The following MED1 variants were observed in gnomAD, a reference collection of about 807,000 sequenced individuals.
MED1 encodes the protein mediator complex subunit 1, also known as mediator of RNA polymerase II transcription subunit 1.
A neutral mutation model predicts 121.3 loss-of-function variants in MED1; 17 were observed. The observed-to-expected ratio is 0.14, with a 90% CI of 0.10 to 0.21. The LOEUF is 0.21. Among genes scored for constraint, MED1 ranks in the 10% least tolerant of loss-of-function variants. The pLI, the probability that MED1 is intolerant of heterozygous loss-of-function variation, is 1.00. For missense variants in MED1, 1,558 were observed against 1,919.4 expected (o/e 0.81, Z 3.52); for synonymous variants, 661 against 694.4 (o/e 0.95, Z 0.76).
intron 8 of MED1, 173 bp from the exon 9 acceptor site, chr17:39,431,361 T>C: frequency 2.2e-6 from 1 of 460,236 alleles, no homozygotes. Flanking sequence ...CACCGCAACC[T>C]CCGCTTCCCA....
At position 39,423,803 on chromosome 17, in the gene MED1, T is replaced by G; in HGVS notation, c.870A>C (p.Ser290=). The part of the protein sequence containing the change: ...VDNKWTPSFS[S]ITSANSVDLP... ...GATCAACACTGTTGGCACTGGTGAT[T>G]GAGGAGAAGGAAGGGGTCCTTCAAA... The change falls in exon 12 of 17, where the codon TCA becomes TCC. Residue 290 remains serine, a synonymous_variant. Transcript: ENST00000300651. 2 of 1,612,348 alleles carry G rather than the reference T, an allele frequency of 1.2e-6. No individual in the cohort carries two copies. Among genetic ancestry groups the G allele is most frequent in the Admixed American group, 3.4e-5 (2 of 59,560 alleles).
Position 39,409,555 on chromosome 17 carries a change from C to T in MED1, c.2666G>A (p.Ser889Asn), listed in dbSNP as rs758387035. The change falls in exon 17 of 17, where the codon AGT becomes AAT. Residue 889 changes from serine to asparagine, a missense_variant. Ser to Asn is a conservative substitution (Grantham distance 46). Coordinates refer to ENST00000300651, the MANE Select transcript of MED1 (RefSeq NM_004774.4). ...TCCTTTGAAATCATCATTATCCCCACTTTGGCTGCTTTCATCAAAATATTC... is the reference window on the plus strand; with the variant it reads ...TCCTTTGAAATCATCATTATCCCCATTTTGGCTGCTTTCATCAAAATATTC... ...GEEYFDESSQ[S>N]GDNDDFKGFA... 52 of 1,614,048 alleles carry T rather than the reference C, an allele frequency of 3.2e-5. No individual in the cohort carries two copies. The highest frequency in any genetic ancestry group is 4.4e-5 in the Non-Finnish European group (52 of 1,180,044).
chr17:39,437,680 A>AT lies in MED1; in HGVS notation c.428+1484dup, dbSNP rs550558461. On this transcript the variant is annotated intron_variant, in intron 6 of 16. Transcript: ENST00000300651. ...CCGGGCACAGTGGCTCATGCCTATA[A>AT]TCCCAGCACTTTGGGAGGCCAAGGC... Among the ~76,000 whole-genome samples the AT allele has an allele frequency of 2.8e-3, 422 of 152,292 alleles. 2 individuals carry two copies. Among genetic ancestry groups the AT allele is most frequent in the African/African-American group, 9.7e-3 (405 of 41,558 alleles).
chr17:39,450,732 G>A (rs956669365), intron 1 of MED1, among the ~76,000 whole-genome samples: 1 of 152,090 alleles, frequency 6.6e-6, no homozygotes, highest in Non-Finnish European at 1.5e-5. Flanking sequence ...ATTTATTCAG[G>A]CGTCTCTTCT....
intron 13 of MED1, among the ~76,000 whole-genome samples, chr17:39,420,164 T>G (rs7501488): frequency 0.63 from 94,804 of 150,802 alleles, 32,544 homozygotes; most frequent in South Asian, 0.89. Flanking sequence ...AAATCTGTAT[T>G]AAAGAGGTTC....
In MED1 at chr17:39,406,403, C is replaced by T. The variant is rs1196407774; in HGVS notation, c.*1072G>A. 4.1e-6 allele frequency: 4 copies of T among 985,202 alleles called. No homozygotes were observed. The highest frequency in any genetic ancestry group is 6.2e-5 in the Admixed American group (1 of 16,256). 61.0% of individuals were successfully genotyped at this position (985,202 alleles called of 1,614,324 possible). ...CTTAGGAATGGCATCAGTTCTCCTG[C>T]AAACAAAATGCTGGGATGCAGACTT... is the stretch of plus-strand genomic sequence containing the variant. On this transcript the variant is annotated 3_prime_UTR_variant, in exon 17 of 17. Transcript: ENST00000300651.
rs745701974 is a variant in MED1 at position 39,407,662 on chromosome 17, C to T, written c.4559G>A (p.Arg1520Gln). ...GATGCTATGAGATTTTTTCTTGTCT[C>T]GGTCTTTGTCCCGGTCTCGGTCCCT... is the stretch of plus-strand genomic sequence containing the variant. ...KDRDRDRDKDRDKKKSHSIKP... is the reference protein window; with the variant it reads ...KDRDRDRDKDQDKKKSHSIKP... Residue 1520 changes from arginine to glutamine, a missense_variant, in exon 17 of 17, where the codon CGA becomes CAA. Physicochemically the swap from Arg to Gln is conservative, Grantham distance 43. Coordinates refer to ENST00000300651, the MANE Select transcript of MED1 (RefSeq NM_004774.4). 3.1e-6 allele frequency: 5 copies of T among 1,614,102 alleles called. No homozygotes were observed. Among genetic ancestry groups the T allele is most frequent in the South Asian group, 2.2e-5 (2 of 91,070 alleles).
chr17:39,407,334 C>A lies in MED1; in HGVS notation c.*141G>T. 1 of 1,418,412 alleles carries A rather than the reference C, an allele frequency of 7.1e-7. No individual in the cohort carries two copies. Among genetic ancestry groups the A allele is most frequent in the East Asian group, 2.5e-5 (1 of 39,746 alleles). The allele number at this position is 1,418,412 out of a possible 1,614,324, so 87.9% of individuals were successfully genotyped here. A position where few individuals can be genotyped will look rare whatever the true frequency, so the allele number is the denominator to read the frequency against. ...GGTCTGGATATGCCTTTCTAATTCACCCAGCTTGATGTCAAAGCCATGCCA... is the reference window on the plus strand; with the variant it reads ...GGTCTGGATATGCCTTTCTAATTCAACCAGCTTGATGTCAAAGCCATGCCA... On this transcript the variant is annotated 3_prime_UTR_variant, in exon 17 of 17. Transcript: ENST00000300651.
chr17:39,409,671 A>T lies in MED1; in HGVS notation c.2550T>A (p.Ser850Arg), dbSNP rs141493568. The T allele has an allele frequency of 4.7e-5, 76 of 1,614,056 alleles. 1 individual carries two copies. Among genetic ancestry groups the T allele is most frequent in the Non-Finnish European group, 5.5e-5 (65 of 1,180,052 alleles). ...AAAAATGATTGGTAGGAGAGTCACTACTGGGGCTTCCAGCAGCATCTGCAA... is the reference window on the plus strand; with the variant it reads ...AAAAATGATTGGTAGGAGAGTCACTTCTGGGGCTTCCAGCAGCATCTGCAA... ...DLIADAAGSPSSDSPTNHFFH... is the reference protein window; with the variant it reads ...DLIADAAGSPRSDSPTNHFFH... The change falls in exon 17 of 17, where the codon AGT becomes AGA. Residue 850 changes from serine (S) to arginine (R), a missense_variant. Around this residue, in one of 5 missense-constraint regions of MED1, gnomAD observed 793 missense variants for 898.2 expected, o/e 0.88. Coordinates refer to ENST00000300651, the MANE Select transcript of MED1 (RefSeq NM_004774.4).
chr17:39,409,941 T>A lies in MED1; in HGVS notation c.2280A>T (p.Gln760His). 1 of 1,613,812 alleles carries A rather than the reference T, an allele frequency of 6.2e-7. No homozygotes were observed. Among genetic ancestry groups the A allele is most frequent in the Non-Finnish European group, 8.5e-7 (1 of 1,179,944 alleles). Residue 760 changes from glutamine to histidine, a missense_variant, in exon 17 of 17, where the codon CAA (glutamine) becomes CAT (histidine). Coordinates refer to ENST00000300651, the MANE Select transcript of MED1 (RefSeq NM_004774.4). The stretch of plus-strand genomic sequence containing the variant: ...GTCGGACCATCCTTTGAATACTGGG[T>A]TGGGGGTGAGGTACTGGTTGTGGGT... ...TTYPQPVPHPQPSIQRMVRLS... is the reference protein window; with the variant it reads ...TTYPQPVPHPHPSIQRMVRLS...
chr17:39,421,608 GA>G (rs1374296614), intron 13 of MED1, among the ~76,000 whole-genome samples: 1 of 151,826 alleles, frequency 6.6e-6, no homozygotes, highest in Non-Finnish European at 1.5e-5. Flanking sequence ...GGCTGGTATT[GA>G]ACTCCTGAGC....
In MED1 at chr17:39,405,911, CTT is replaced by C. The variant is rs879728736; in HGVS notation, c.*1562_*1563del. 1.1e-5 allele frequency: 8 copies of C among 751,766 alleles called. No homozygotes were observed. The highest frequency in any genetic ancestry group is 3.9e-5 in the African/African-American group (2 of 51,828). 46.6% of individuals were successfully genotyped at this position (751,766 alleles called of 1,614,324 possible). ...CATAACACACAAAGGAATCACCTGG[CTT>C]TTTTTTTTTAACCCAGAAGAGTTGT... On this transcript the variant is annotated 3_prime_UTR_variant, in exon 17 of 17. Transcript: ENST00000300651.
Position 39,409,236 on chromosome 17 carries a change from G to C in MED1, c.2985C>G (p.Arg995=). The C allele has an allele frequency of 6.2e-7, 1 of 1,614,120 alleles. No homozygotes were observed. ...GPGLDSKPGK[R]SRTPSNDGKS... ...TCCCATCATTAGAAGGGGTCCGACT[G>C]CGCTTCCCTGGTTTGCTGTCTAATC... The change falls in exon 17 of 17, where the codon CGC becomes CGG. Residue 995 remains arginine (R), a synonymous_variant. Transcript: ENST00000300651.
At position 39,419,734 on chromosome 17, in the gene MED1, C is replaced by T; in HGVS notation, c.1280G>A (p.Arg427Lys). 1 of 1,612,898 alleles carries T rather than the reference C, an allele frequency of 6.2e-7. No individual in the cohort carries two copies. Among genetic ancestry groups the T allele is most frequent in the Non-Finnish European group, 8.5e-7 (1 of 1,178,970 alleles). The change falls in exon 14 of 17, where the codon AGA (arginine) becomes AAA (lysine). Residue 427 changes from arginine to lysine, a missense_variant. Arg to Lys is a conservative substitution (Grantham distance 26). This residue lies in a region of MED1 where 443 missense variants were observed against 532.4 expected (regional missense o/e 0.83). Coordinates refer to ENST00000300651, the MANE Select transcript of MED1 (RefSeq NM_004774.4). ...GGCAGTACCTTCTTTCAGAATAGTT[C>T]TTTTGACACAGCTTCCAATGAGGGT... The part of the protein sequence containing the change: ...YNTLIGSCVK[R>K]TILKEDSPGL...
At position 39,415,035 on chromosome 17, in the gene MED1, A is replaced by G; in HGVS notation, c.1490T>C (p.Val497Ala). 1.9e-6 allele frequency: 3 copies of G among 1,613,936 alleles called. No homozygotes were observed. Among genetic ancestry groups the G allele is most frequent in the Non-Finnish European group, 2.5e-6 (3 of 1,179,822 alleles). ...AAAGGGCCAAGGCTACCTTTGAACA[A>G]CTTTGGCAATGAAGTCATCTGTGCA... ...LICTDDFIAK[V>A]VQRCMSIPVT... Residue 497 changes from valine to alanine, a missense_variant, in exon 16 of 17, where the codon GTT (valine) becomes GCT (alanine). Physicochemically the swap from Val to Ala is moderately conservative, Grantham distance 64. Transcript: ENST00000300651.
In MED1 at chr17:39,405,245, G is replaced by A. The variant is rs775644959; in HGVS notation, c.*2230C>T. 11 of 1,597,044 alleles carry A rather than the reference G, an allele frequency of 6.9e-6. No homozygotes were observed. The highest frequency in any genetic ancestry group is 1.1e-5 in the South Asian group (1 of 87,956). ...AGTTCAGATGCTGGGTCAGTGTGGG[G>A]GTGAGCCCATCGACAATTCAGGGGC... On this transcript the variant is annotated 3_prime_UTR_variant, in exon 17 of 17. Coordinates refer to ENST00000300651, the MANE Select transcript of MED1 (RefSeq NM_004774.4).
intron 1 of MED1, among the ~76,000 whole-genome samples, chr17:39,448,120 C>G (rs1313236265): frequency 3.3e-5 from 5 of 150,594 alleles, no homozygotes; most frequent in Non-Finnish European, 7.4e-5. Context: ...TACCACTGGA[C>G]TGTTATCTAT....
chr17:39,432,158 C>A, intron 7 of MED1, 142 bp from the exon 8 acceptor site: 1 of 528,940 alleles, frequency 1.9e-6, no homozygotes, highest in South Asian at 2.0e-5. Context: ...GCCTGGCCAA[C>A]ATGGCAAAAC....
At position 39,405,945 on chromosome 17, in the gene MED1, G is replaced by A. The variant is rs1259642006; in HGVS notation, c.*1530C>T. On this transcript the variant is annotated 3_prime_UTR_variant, in exon 17 of 17. Transcript: ENST00000300651. ...TTTAACCCAGAAGAGTTGTGCTGGG[G>A]ACCATGCCCCATCCCGCTGATACAG... 2 of 985,072 alleles carry A rather than the reference G, an allele frequency of 2.0e-6. No homozygotes were observed. Among genetic ancestry groups the A allele is most frequent in the African/African-American group, 3.5e-5 (2 of 57,136 alleles). The allele number at this position is 985,072 out of a possible 1,614,324, so 61.0% of individuals were successfully genotyped here.
Sources: allele counts gnomAD v4.1 joint callset (sites outside exome capture counted in the v4.1 genomes callset), GRCh38; gene constraint gnomAD v4.1.1; regional missense constraint gnomAD v4.1.1; transcripts MANE v1.5; gene names NCBI Gene and HGNC (gene_info 2026-07-23, HGNC 2026-07-21).